The following WWP2 variants were observed in gnomAD, a reference collection of about 807,000 sequenced individuals.
WWP2 encodes WW domain containing E3 ubiquitin protein ligase 2.
A neutral mutation model predicts 121.0 loss-of-function variants in WWP2; 57 were observed. That is an observed-to-expected ratio of 0.47 (90% confidence interval 0.38 to 0.59). The LOEUF (loss-of-function observed/expected upper bound fraction) is 0.59. Among genes scored for constraint, WWP2 ranks in the 20% least tolerant of loss-of-function variants. WWP2 has a pLI of 0.00. For missense variants in WWP2, 962 were observed against 1,158.9 expected (o/e 0.83, Z 2.47); for synonymous variants, 449 against 441.3 (o/e 1.02, Z -0.22).
intron 23 of WWP2, 115 bp from the exon 24 acceptor site, chr16:69,939,726 C>A: frequency 2.1e-6 from 2 of 967,728 alleles, no homozygotes; most frequent in Non-Finnish European, 1.5e-6. Context: ...CTGGCAGCCC[C>A]TGAGCCCTAG....
At chr16:69,846,573 T>C (rs2057083398) in intron 6 of WWP2, among the ~76,000 whole-genome samples, 2 of 151,918 alleles carry the variant, frequency 1.3e-5, no homozygotes, top group South Asian at 4.2e-4. Context: ...ATATAAAAAT[T>C]AGCTTGGCAT....
chr16:69,925,553 C>T lies in WWP2; in HGVS notation c.1234+69C>T, dbSNP rs1172895862. 11 of 1,571,476 alleles carry T rather than the reference C, an allele frequency of 7.0e-6. No individual in the cohort carries two copies. The highest frequency in any genetic ancestry group is 3.7e-5 in the Admixed American group (2 of 54,714). On this transcript the variant is annotated intron_variant, in intron 11 of 23. Transcript: ENST00000359154. This position sits in a 1 kb window ranked among gnomAD's most constrained non-coding sequence, Gnocchi z 4.0. ...CACGGTGCTCTGTCCTCTCCTCCCG[C>T]GTGTCTTCCTTCCCTGTTCCTGTCC...
intron 4 of WWP2, among the ~76,000 whole-genome samples, chr16:69,816,647 CGTAT>C (rs1404511454): frequency 6.6e-6 from 1 of 151,918 alleles, no homozygotes; most frequent in East Asian, 1.9e-4. Flanking sequence ...CTGAGTGCTT[CGTAT>C]GTATCAGTCA....
At chr16:69,821,134 C>T (rs2056585968) in intron 4 of WWP2, among the ~76,000 whole-genome samples, 1 of 152,182 alleles carries the variant, frequency 6.6e-6, no homozygotes, top group Non-Finnish European at 1.5e-5. Flanking sequence ...TTCAGGCTGT[C>T]TTTAGCGGTC....
intron 6 of WWP2, among the ~76,000 whole-genome samples, chr16:69,868,847 C>G (rs542926217): frequency 3.3e-5 from 5 of 152,148 alleles, no homozygotes; most frequent in African/African-American, 1.2e-4. Context: ...GAAGTGGGAA[C>G]TTTGAAATAT....
intron 8 of WWP2, 113 bp from the exon 9 acceptor site, chr16:69,908,648 A>G (rs1017901906): frequency 3.2e-6 from 5 of 1,543,802 alleles, no homozygotes; most frequent in South Asian, 1.3e-5. Context: ...CTCGCATGTC[A>G]TCTTTGATGC....
Position 69,925,030 on chromosome 16 carries a change from G to A in WWP2, c.1180-400G>A. 1.0e-6 allele frequency: 1 copy of A among 1,000,378 alleles called. No homozygotes were observed. Among genetic ancestry groups the A allele is most frequent in the Non-Finnish European group, 1.2e-6 (1 of 840,070 alleles). 62.0% of individuals were successfully genotyped at this position (1,000,378 alleles called of 1,614,324 possible). A position where few individuals can be genotyped will look rare whatever the true frequency, so the allele number is the denominator to read the frequency against. ...GTTCTTGGAGAAAGTTGGAGGTGGT[G>A]GTGATTTCAGTCGCCTTGGCCGCCT... On this transcript the variant is annotated intron_variant, in intron 10 of 23. Coordinates refer to ENST00000359154, the MANE Select transcript of WWP2 (RefSeq NM_001270454.2). The surrounding 1 kb of genome is among the most constrained non-coding windows in gnomAD (Gnocchi z 4.0).
chr16:69,796,051 G>A (rs2056035463), intron 2 of WWP2, among the ~76,000 whole-genome samples: 1 of 151,118 alleles, frequency 6.6e-6, no homozygotes, highest in African/African-American at 2.4e-5. Context: ...GGCATCGATA[G>A]GACAATTGGC....
rs75146396 is a variant in WWP2 at position 69,857,242 on chromosome 16, C to T, written c.576-14562C>T. Among the ~76,000 whole-genome samples the T allele has an allele frequency of 8.7e-3, 1,327 of 151,978 alleles. 21 individuals are homozygous for T. Among genetic ancestry groups the T allele is most frequent in the African/African-American group, 0.029 (1,206 of 41,464 alleles). On this transcript the variant is annotated intron_variant, in intron 6 of 23. Transcript: ENST00000359154. The stretch of plus-strand genomic sequence containing the variant: ...CCTCAGCCTCCCGAGTAGCTGGGCG[C>T]GCTCCACCACGCTCAGCTAGTTTTT...
chr16:69,860,319 A>G (rs1464310015), intron 6 of WWP2, among the ~76,000 whole-genome samples: 1 of 152,176 alleles, frequency 6.6e-6, no homozygotes, highest in African/African-American at 2.4e-5. Flanking sequence ...CATTCAACAG[A>G]TATTTCCTGA....
At chr16:69,939,746 T>A in intron 23 of WWP2, 95 bp from the exon 24 acceptor site, 1 of 1,164,458 alleles carries the variant, frequency 8.6e-7, no homozygotes, top group South Asian at 1.5e-5. Flanking sequence ...GCCAGTGTGG[T>A]GCAAGCCCTG....
chr16:69,887,594 C>T (rs989753556), intron 7 of WWP2, among the ~76,000 whole-genome samples: 1 of 152,008 alleles, frequency 6.6e-6, no homozygotes, highest in African/African-American at 2.4e-5. Context: ...TTAGCAGAGA[C>T]GGGGTTTTGC....
chr16:69,782,533 A>T lies in WWP2; in HGVS notation c.-15-4463A>T, dbSNP rs577928242. 2.7e-4 allele frequency among the ~76,000 whole-genome samples: 41 copies of T among 152,214 alleles called. 1 individual carries two copies. The highest frequency in any genetic ancestry group is 6.8e-3 in the Middle Eastern group (2 of 294). On this transcript the variant is annotated intron_variant, in intron 1 of 23. Transcript: ENST00000359154. ...CAATAGGTCAGTCATGTAAGAGGAG[A>T]TGGAGAATTGCTATGGGATTTGGTA...
intron 8 of WWP2, among the ~76,000 whole-genome samples, chr16:69,892,699 A>T (rs1049948056): frequency 2.0e-5 from 3 of 152,026 alleles, no homozygotes; most frequent in Admixed American, 6.6e-5. Context: ...ACACCCAGCT[A>T]ATTTTGTTTA....
chr16:69,868,661 G>GCGCA (rs974241867), intron 6 of WWP2, among the ~76,000 whole-genome samples: 10 of 149,224 alleles, frequency 6.7e-5, no homozygotes, highest in Non-Finnish European at 1.3e-4. Context: ...ATACACATGT[G>GCGCA]CACACACACA....
At chr16:69,905,915 G>C (rs1207034502) in intron 8 of WWP2, among the ~76,000 whole-genome samples, 1 of 152,182 alleles carries the variant, frequency 6.6e-6, no homozygotes, top group African/African-American at 2.4e-5. Context: ...TTTCCTCAGT[G>C]GTGATGGTGA....
intron 1 of WWP2, among the ~76,000 whole-genome samples, chr16:69,764,368 T>G (rs955535538): frequency 3.4e-4 from 51 of 152,102 alleles, no homozygotes; most frequent in African/African-American, 1.2e-3. Context: ...GCCTGGCTAA[T>G]TTTTGTAGAG....
intron 4 of WWP2, among the ~76,000 whole-genome samples, chr16:69,839,612 A>G (rs2056938808): frequency 6.6e-6 from 1 of 151,892 alleles, no homozygotes; most frequent in Non-Finnish European, 1.5e-5. Context: ...TTTTTTCCTT[A>G]TTTCAAGACA....
At chr16:69,828,825 C>T (rs546459229) in intron 4 of WWP2, among the ~76,000 whole-genome samples, 20 of 152,234 alleles carry the variant, frequency 1.3e-4, no homozygotes, top group Non-Finnish European at 2.4e-4. Context: ...TCCATGATCT[C>T]ATCTCTGTTT....
Sources: allele counts gnomAD v4.1 joint callset (sites outside exome capture counted in the v4.1 genomes callset), GRCh38; gene constraint gnomAD v4.1.1; non-coding constraint Gnocchi (gnomAD v3.1); transcripts MANE v1.5; gene names NCBI Gene and HGNC (gene_info 2026-07-23, HGNC 2026-07-21).